PKHD1: variants seen among roughly 807,000 people sequenced by gnomAD.
The protein encoded by PKHD1 is PKHD1 ciliary IPT domain containing fibrocystin/polyductin, also known as fibrocystin.
PKHD1 carries 291 observed loss-of-function variants against 412.0 expected under a neutral mutation model. That is an observed-to-expected ratio of 0.71 (90% CI 0.64 to 0.78). The LOEUF (loss-of-function observed/expected upper bound fraction) is 0.78, where lower values mean the gene tolerates loss of function less well. Ranked by LOEUF, PKHD1 falls within the 30% of genes least tolerant of loss-of-function variation. The pLI is 0.00. For synonymous variants in PKHD1, 1,777 were observed against 1,821.5 expected (o/e 0.98, Z 0.62); for missense variants, 4,825 against 4,950.7 (o/e 0.97, Z 0.76).
chr6:52,022,683 A>C, intron 33 of PKHD1, 118 bp downstream of exon 33: 1 of 998,012 alleles, frequency 1.0e-6, no homozygotes, highest in Non-Finnish European at 1.5e-6. Context: ...TTCTTTTCCT[A>C]GGCACACATA....
At chr6:51,681,922 G>T (rs192858485) in intron 60 of PKHD1, among the ~76,000 whole-genome samples, 9 of 152,096 alleles carry the variant, frequency 5.9e-5, no homozygotes, top group African/African-American at 1.2e-4. Flanking sequence ...GAACATGTTT[G>T]CCAGTCTCTG....
At chr6:51,799,876 T>C (rs1349523494) in intron 52 of PKHD1, among the ~76,000 whole-genome samples, 1 of 152,206 alleles carries the variant, frequency 6.6e-6, no homozygotes, top group Non-Finnish European at 1.5e-5. Flanking sequence ...CTTAATAATA[T>C]AAGTGATGGA....
At chr6:51,743,981 A>C (rs1043896112) in intron 60 of PKHD1, among the ~76,000 whole-genome samples, 17 of 152,148 alleles carry the variant, frequency 1.1e-4, no homozygotes, top group African/African-American at 2.9e-4. Context: ...CCATTGAGAG[A>C]GCGCTTTAAG....
At position 52,053,097 on chromosome 6, in the gene PKHD1, T is replaced by A; in HGVS notation, c.2119A>T (p.Ile707Phe). ...TTACCTGTTACGTTTGTGTCTGCAA[T>A]AATAATTTCATCCACATAGAACAGG... ...TGLFYVDEII[I>F]ADTNVTVSQA... Residue 707 changes from isoleucine (I) to phenylalanine (F), a missense_variant, in exon 21 of 67, where the codon ATT becomes TTT. Ile to Phe is a conservative substitution (Grantham distance 21). Coordinates refer to ENST00000371117, the MANE Select transcript of PKHD1 (RefSeq NM_138694.4). 6.2e-7 allele frequency: 1 copy of A among 1,613,998 alleles called. No homozygotes were observed. Among genetic ancestry groups the A allele is most frequent in the Non-Finnish European group, 8.5e-7 (1 of 1,179,954 alleles).
chr6:51,845,676 A>C (rs1205207822), intron 50 of PKHD1, among the ~76,000 whole-genome samples: 1 of 152,240 alleles, frequency 6.6e-6, no homozygotes, highest in Non-Finnish European at 1.5e-5. Context: ...ACCTCTACAT[A>C]TAAGCACACA....
chr6:51,911,676 G>A, intron 39 of PKHD1, 123 bp downstream of exon 39: 1 of 828,434 alleles, frequency 1.2e-6, no homozygotes, highest in East Asian at 2.4e-5. Flanking sequence ...AAAAGTATGG[G>A]CATCCAAAGT....
At chr6:51,862,022 G>C (rs953113565) in intron 48 of PKHD1, among the ~76,000 whole-genome samples, 1 of 152,194 alleles carries the variant, frequency 6.6e-6, no homozygotes, top group Admixed American at 6.5e-5. Flanking sequence ...ACAACTGCTT[G>C]TCAGGGATAT....
rs142314792 is a variant in PKHD1 at position 51,858,536 on chromosome 6, G to A, written c.7734-2466C>T. ...AAATATCTAAATTTCCTCAAGTACAGGGAATGATTATAAGTGTTTCAGGTT... is the reference window on the plus strand; with the variant it reads ...AAATATCTAAATTTCCTCAAGTACAAGGAATGATTATAAGTGTTTCAGGTT... On this transcript the variant is annotated intron_variant, in intron 48 of 66. Coordinates refer to ENST00000371117, the MANE Select transcript of PKHD1 (RefSeq NM_138694.4). 1.2e-4 allele frequency among the ~76,000 whole-genome samples: 18 copies of A among 152,228 alleles called. No homozygotes were observed. The East Asian group carries it at 3.5e-3, about 29-fold the overall frequency.
Position 51,638,624 on chromosome 6 carries a change from G to A in PKHD1, c.11506+225C>T, listed in dbSNP as rs2661512. Among the ~76,000 whole-genome samples, 6,508 of 152,134 alleles carry A rather than the reference G, an allele frequency of 0.043. 235 individuals carry two copies. The highest frequency in any genetic ancestry group is 0.093 in the African/African-American group (3,850 of 41,506). ...GAACGTAAACGTCAATGTTGAGAAG[G>A]AAATGTACATTTGGTTTCTTGCTCA... is the stretch of plus-strand genomic sequence containing the variant. On this transcript the variant is annotated intron_variant, in intron 64 of 66. Coordinates refer to ENST00000371117, the MANE Select transcript of PKHD1 (RefSeq NM_138694.4).
In PKHD1 at chr6:52,056,800, GA is replaced by G. The variant is rs748577508; in HGVS notation, c.1603-13del. ...ATGGTTGTTTGAATCTATTACAAAG[GA>G]AAAAAATGCCAGGAATTTATATCAT... On this transcript the variant is annotated splice_polypyrimidine_tract_variant and intron_variant, in intron 17 of 66. Coordinates refer to ENST00000371117, the MANE Select transcript of PKHD1 (RefSeq NM_138694.4). The G allele has an allele frequency of 2.9e-5, 47 of 1,605,984 alleles. No homozygotes were observed. The highest frequency in any genetic ancestry group is 1.8e-4 in the East Asian group (8 of 44,834).
chr6:51,968,818 A>G (rs1407113889), intron 35 of PKHD1, among the ~76,000 whole-genome samples: 1 of 152,166 alleles, frequency 6.6e-6, no homozygotes, highest in Non-Finnish European at 1.5e-5. Context: ...TGCTTTCACA[A>G]AGGCTGAGTC....
At chr6:51,847,641 C>A in intron 50 of PKHD1, 134 bp downstream of exon 50, 1 of 741,076 alleles carries the variant, frequency 1.3e-6, no homozygotes, top group Non-Finnish European at 2.4e-6. Flanking sequence ...CTTCAGGGAA[C>A]ATTCACTCAA....
chr6:51,900,399 T>C (rs1273794371), intron 43 of PKHD1, among the ~76,000 whole-genome samples: 43 of 152,206 alleles, frequency 2.8e-4, no homozygotes, highest in East Asian at 9.7e-4. Context: ...TTGACAAACC[T>C]GAGAAAAACA....
chr6:52,047,176 T>A (rs954513478), intron 23 of PKHD1, among the ~76,000 whole-genome samples: 3 of 152,202 alleles, frequency 2.0e-5, no homozygotes, highest in Non-Finnish European at 1.5e-5. Context: ...GCAGGAAGTC[T>A]CTACGGATGA....
At chr6:52,044,035 C>T (rs892682057) in intron 25 of PKHD1, among the ~76,000 whole-genome samples, 7 of 152,162 alleles carry the variant, frequency 4.6e-5, no homozygotes, top group African/African-American at 1.7e-4. Context: ...ATAAGGACTT[C>T]TTATCACTCT....
chr6:51,668,008 AG>A (rs1325866186), intron 60 of PKHD1, among the ~76,000 whole-genome samples: 1 of 152,132 alleles, frequency 6.6e-6, no homozygotes, highest in Admixed American at 6.5e-5. Flanking sequence ...CTTTTGGCTT[AG>A]GATTGACTTG....
rs766628101 is a variant in PKHD1 at position 52,046,540 on chromosome 6, C to T, written c.2408-352G>A. Among the ~76,000 whole-genome samples, 173 of 152,198 alleles carry T rather than the reference C, an allele frequency of 1.1e-3. 1 individual carries two copies. The highest frequency in any genetic ancestry group is 1.8e-3 in the Non-Finnish European group (122 of 68,034). ...AAAGCATAATTAAATATTAGATCTT[C>T]CCTGGAAAAATTTAGCTGGCCCTGT... On this transcript the variant is annotated intron_variant, in intron 23 of 66. Transcript: ENST00000371117.
rs114238677 is a variant in PKHD1 at position 51,716,528 on chromosome 6, G to A, written c.10156+27857C>T. 2.7e-3 allele frequency among the ~76,000 whole-genome samples: 415 copies of A among 152,238 alleles called. 3 individuals carry two copies. Among genetic ancestry groups the A allele is most frequent in the African/African-American group, 9.7e-3 (402 of 41,544 alleles). On this transcript the variant is annotated intron_variant, in intron 60 of 66. Coordinates refer to ENST00000371117, the MANE Select transcript of PKHD1 (RefSeq NM_138694.4). ...GTCCCTCCCTTAGTGGGCCTTAAGTGCTGATTAGAGTCCTGCGTGTTGTGT... is the reference window on the plus strand; with the variant it reads ...GTCCCTCCCTTAGTGGGCCTTAAGTACTGATTAGAGTCCTGCGTGTTGTGT...
intron 60 of PKHD1, among the ~76,000 whole-genome samples, chr6:51,660,409 C>A (rs1162086542): frequency 6.6e-6 from 1 of 152,066 alleles, no homozygotes; most frequent in African/African-American, 2.4e-5. Context: ...CCAGTGGATA[C>A]AAACTGGGTG....
Sources: allele counts gnomAD v4.1 joint callset (sites outside exome capture counted in the v4.1 genomes callset), GRCh38; gene constraint gnomAD v4.1.1; transcripts MANE v1.5; gene names NCBI Gene and HGNC (gene_info 2026-07-23, HGNC 2026-07-21).